Variants in CCNT2 observed in about 807,000 individuals in gnomAD.
The protein encoded by CCNT2 is cyclin-T2.
Under a neutral mutation model 70.0 loss-of-function variants are expected in CCNT2, and 18 were observed. The ratio of observed to expected loss-of-function variants is 0.26; its 90% CI spans 0.18 to 0.38. The LOEUF (loss-of-function observed/expected upper bound fraction) is 0.38. Among genes scored for constraint, CCNT2 ranks in the 10% least tolerant of loss-of-function variants. The pLI is 1.00. For synonymous variants in CCNT2, 334 were observed against 313.3 expected (o/e 1.07, Z -0.70); for missense variants, 734 against 890.2 (o/e 0.82, Z 2.23).
At chr2:134,932,957 C>G (rs965048513) in intron 2 of CCNT2, among the ~76,000 whole-genome samples, 2 of 152,188 alleles carry the variant, frequency 1.3e-5, no homozygotes, top group African/African-American at 4.8e-5. Flanking sequence ...AATAGTCTGA[C>G]TAGAGCTTGC....
In CCNT2 at chr2:134,946,000, T is replaced by C. The variant is rs1681931120; in HGVS notation, c.494-101T>C. The C allele has an allele frequency of 4.4e-6, 7 of 1,605,730 alleles. No homozygotes were observed. The South Asian group carries it at 6.6e-5, about 15-fold the overall frequency. On this transcript the variant is annotated intron_variant, in intron 5 of 8. Transcript: ENST00000264157. ...TGTAAGTAGTAAGTAAAATTTACTT[T>C]TTGTGTACAAATCTTTGAAGTTTTT...
At chr2:134,919,918 G>A (rs781745526) in intron 2 of CCNT2, 27 bp downstream of exon 2, 5 of 1,506,716 alleles carry the variant, frequency 3.3e-6, no homozygotes, top group Non-Finnish European at 4.6e-6. Flanking sequence ...TGTTTTTACT[G>A]TCCGCAAATT....
intron 2 of CCNT2, among the ~76,000 whole-genome samples, chr2:134,930,261 A>G (rs1680643203): frequency 6.6e-6 from 1 of 152,148 alleles, no homozygotes; most frequent in Non-Finnish European, 1.5e-5. Flanking sequence ...ATGGTCTTTC[A>G]CGAAGCATGT....
chr2:134,930,518 T>C (rs1231675716), intron 2 of CCNT2, among the ~76,000 whole-genome samples: 6 of 152,192 alleles, frequency 3.9e-5, no homozygotes, highest in African/African-American at 1.4e-4. Context: ...GAGAGTTACA[T>C]GAGAGTGGAA....
rs9967794 is a variant in CCNT2 at position 134,922,188 on chromosome 2, G to T, written c.240+2297G>T. On this transcript the variant is annotated intron_variant, in intron 2 of 8. Coordinates refer to ENST00000264157, the MANE Select transcript of CCNT2 (RefSeq NM_058241.3). ...AATGTCATGGTAAACTTTAAAAAGC[G>T]TGAATCTTCACCAGAGTAAACTGAA... 2.5e-3 allele frequency among the ~76,000 whole-genome samples: 384 copies of T among 152,168 alleles called. 1 individual carries two copies. The highest frequency in any genetic ancestry group is 8.7e-3 in the African/African-American group (363 of 41,486).
chr2:134,928,342 G>A (rs538300950), intron 2 of CCNT2, among the ~76,000 whole-genome samples: 19 of 140,076 alleles, frequency 1.4e-4, no homozygotes, highest in African/African-American at 4.1e-4. Context: ...GCAATGGCGC[G>A]ATCTCGGCTC....
At chr2:134,947,067 A>G (rs1262061788) in intron 6 of CCNT2, among the ~76,000 whole-genome samples, 1 of 152,232 alleles carries the variant, frequency 6.6e-6, no homozygotes, top group African/African-American at 2.4e-5. Flanking sequence ...TTGATTAGAA[A>G]AGGCTAGCTG....
At chr2:134,943,650 T>TA in intron 5 of CCNT2, 4 of 984,622 alleles carry the variant, frequency 4.1e-6, no homozygotes, top group Non-Finnish European at 4.8e-6. Flanking sequence ...TAGTATCTGA[T>TA]ACAGCATTTT....
intron 4 of CCNT2, 93 bp downstream of exon 4, chr2:134,939,155 A>G: frequency 1.1e-6 from 1 of 915,668 alleles, no homozygotes; most frequent in Non-Finnish European, 1.7e-6. Flanking sequence ...TGTATTATTG[A>G]AGAAAGTTAT....
At chr2:134,920,424 AT>A (rs1237790460) in intron 2 of CCNT2, 1 of 152,260 alleles carries the variant, frequency 6.6e-6, no homozygotes, top group East Asian at 1.9e-4. Context: ...GTCTCCTAAA[AT>A]TTTGGGTGAT....
chr2:134,953,498 A>G lies in CCNT2; in HGVS notation c.1043A>G (p.His348Arg). The change falls in exon 9 of 9, where the codon CAC (histidine) becomes CGC (arginine). Residue 348 changes from histidine (H) to arginine (R), a missense_variant. Physicochemically the swap from His to Arg is conservative, Grantham distance 29. Coordinates refer to ENST00000264157, the MANE Select transcript of CCNT2 (RefSeq NM_058241.3). ...MPSTSYGLSS[H>R]QEWPQHQDSA... ...AGTACTTCATACGGTTTATCATCAC[A>G]CCAGGAATGGCCTCAACATCAAGAC... The G allele has an allele frequency of 6.2e-7, 1 of 1,614,182 alleles. No homozygotes were observed. Among genetic ancestry groups the G allele is most frequent in the Non-Finnish European group, 8.5e-7 (1 of 1,180,032 alleles).
At chr2:134,938,929 A>G in intron 3 of CCNT2, 73 bp from the exon 4 acceptor site, 1 of 928,836 alleles carries the variant, frequency 1.1e-6, no homozygotes, top group Non-Finnish European at 1.7e-6. Context: ...TAATTCTCAC[A>G]AGATGTAACA....
intron 2 of CCNT2, among the ~76,000 whole-genome samples, chr2:134,933,789 CAT>C (rs920705255): frequency 7.2e-5 from 11 of 152,054 alleles, no homozygotes; most frequent in Non-Finnish European, 1.6e-4. Context: ...AATTTTTCAA[CAT>C]AATAATAATA....
intron 5 of CCNT2, chr2:134,944,950 C>T: frequency 1.0e-6 from 1 of 985,208 alleles, no homozygotes. Context: ...AATTTGATTT[C>T]TGTGAAGTCT....
chr2:134,957,421 T>C lies in CCNT2; in HGVS notation c.*2773T>C, dbSNP rs1682992786. On this transcript the variant is annotated 3_prime_UTR_variant, in exon 9 of 9. Transcript: ENST00000264157. ...AAACATCCTATAAAAGAGTGAGTCATTTTTAAGTTGTGTTTTCCCTAGATC... is the reference window on the plus strand; with the variant it reads ...AAACATCCTATAAAAGAGTGAGTCACTTTTAAGTTGTGTTTTCCCTAGATC... 6.6e-6 allele frequency: 1 copy of C among 152,204 alleles called. No individual in the cohort carries two copies. The highest frequency in any genetic ancestry group is 1.5e-5 in the Non-Finnish European group (1 of 68,018). The allele number at this position is 152,204 out of a possible 1,614,324, so 9.4% of individuals were successfully genotyped here. A position where few individuals can be genotyped will look rare whatever the true frequency, so the allele number is the denominator to read the frequency against.
At chr2:134,932,834 A>G (rs1296726709) in intron 2 of CCNT2, among the ~76,000 whole-genome samples, 1 of 152,134 alleles carries the variant, frequency 6.6e-6, no homozygotes, top group Admixed American at 6.6e-5. Context: ...TCTTTCCTCT[A>G]CTTTCCTTTT....
intron 6 of CCNT2, among the ~76,000 whole-genome samples, chr2:134,947,396 C>T (rs2105074280): frequency 6.6e-6 from 1 of 151,982 alleles, no homozygotes; most frequent in Non-Finnish European, 1.5e-5. Context: ...AGAAAAATAC[C>T]ACAAAAAATT....
chr2:134,942,757 A>G, intron 5 of CCNT2, 83 bp downstream of exon 5: 5 of 1,438,652 alleles, frequency 3.5e-6, no homozygotes, highest in Non-Finnish European at 4.7e-6. Context: ...TTGTTTTTCT[A>G]GCCTTTTGTT....
At chr2:134,925,742 A>G (rs1476718120) in intron 2 of CCNT2, among the ~76,000 whole-genome samples, 2 of 152,180 alleles carry the variant, frequency 1.3e-5, no homozygotes, top group Admixed American at 1.3e-4. Flanking sequence ...ACATTTGTGT[A>G]CAAGTTTTTG....
Sources: allele counts gnomAD v4.1 joint callset (sites outside exome capture counted in the v4.1 genomes callset), GRCh38; gene constraint gnomAD v4.1.1; transcripts MANE v1.5; gene names NCBI Gene and HGNC (gene_info 2026-07-23, HGNC 2026-07-21).